OCIAD1: variants seen among roughly 807,000 people sequenced by gnomAD.
OCIAD1 encodes OCIA domain containing 1, also known as OCIA domain-containing protein 1.
In OCIAD1, 29 loss-of-function variants were observed where a neutral mutation model predicts 38.9. The ratio of observed to expected loss-of-function variants is 0.74; its 90% confidence interval spans 0.55 to 1.02. OCIAD1 has a LOEUF of 1.02. OCIAD1 is among the 50% of genes least tolerant of loss of function. OCIAD1 has a pLI of 0.00. For synonymous variants in OCIAD1, 110 were observed against 92.0 expected (o/e 1.20, Z -1.12); for missense variants, 288 against 289.6 (o/e 0.99, Z 0.04).
At position 48,850,165 on chromosome 4, in the gene OCIAD1, A is replaced by G. The variant is rs1053218247; in HGVS notation, c.377+83A>G. On this transcript the variant is annotated intron_variant, in intron 6 of 8. Transcript: ENST00000264312. ...TTGCTATAACTCATGGCTCAAAAAC[A>G]TTGCCTGAAGGACCACTGGATACTT... 5.5e-6 allele frequency: 8 copies of G among 1,448,366 alleles called. No homozygotes were observed. In the Admixed American group the frequency reaches 1.7e-4, roughly 31 times the overall value. The allele number at this position is 1,448,366 out of a possible 1,614,324, so 89.7% of individuals were successfully genotyped here.
chr4:48,847,051 A>G (rs1327813233), intron 4 of OCIAD1, among the ~76,000 whole-genome samples: 1 of 152,228 alleles, frequency 6.6e-6, no homozygotes, highest in Admixed American at 6.5e-5. Flanking sequence ...TTTAGTAGAT[A>G]TTACCAAACT....
intron 6 of OCIAD1, among the ~76,000 whole-genome samples, chr4:48,850,635 G>A (rs1779356143): frequency 6.6e-6 from 1 of 152,084 alleles, no homozygotes; most frequent in Non-Finnish European, 1.5e-5. Flanking sequence ...GTACAGTGGC[G>A]TGATCTCGGC....
chr4:48,823,600 G>T (rs1464525696), intron 1 of OCIAD1, among the ~76,000 whole-genome samples: 1 of 151,096 alleles, frequency 6.6e-6, no homozygotes, highest in Admixed American at 6.6e-5. Context: ...AAAAAAATTT[G>T]AAATGGCTAT....
intron 3 of OCIAD1, among the ~76,000 whole-genome samples, chr4:48,834,213 C>T (rs1777776907): frequency 6.6e-6 from 1 of 152,008 alleles, no homozygotes; most frequent in African/African-American, 2.4e-5. Context: ...CTCTTGTTGC[C>T]CAGGCTGGAG....
upstream of OCIAD1, among the ~76,000 whole-genome samples, chr4:48,828,067 C>T (rs940488684): frequency 6.6e-6 from 1 of 152,148 alleles, no homozygotes; most frequent in African/African-American, 2.4e-5. Flanking sequence ...ATGCACCAAT[C>T]AGTGCTCTGT....
At chr4:48,819,596 A>C (rs1777171243) in intron 1 of OCIAD1, among the ~76,000 whole-genome samples, 1 of 152,054 alleles carries the variant, frequency 6.6e-6, no homozygotes. Flanking sequence ...TAAAAGACAC[A>C]GACTGGCAAA....
At chr4:48,859,682 CTT>C (rs1376807049) in intron 8 of OCIAD1, among the ~76,000 whole-genome samples, 1 of 152,002 alleles carries the variant, frequency 6.6e-6, no homozygotes, top group Non-Finnish European at 1.5e-5. Flanking sequence ...AAAGAAAAGA[CTT>C]GTTATGAAAT....
chr4:48,834,163 T>G (rs554434972), intron 3 of OCIAD1, among the ~76,000 whole-genome samples: 1 of 152,246 alleles, frequency 6.6e-6, no homozygotes, highest in Admixed American at 6.5e-5. Flanking sequence ...GGATGAATTT[T>G]TTTTTGTTTT....
At position 48,861,293 on chromosome 4, in the gene OCIAD1, T is replaced by C. The variant is rs1780579407; in HGVS notation, c.*531T>C. The C allele has an allele frequency of 6.6e-6, 1 of 152,520 alleles. No individual in the cohort carries two copies. Among genetic ancestry groups the C allele is most frequent in the South Asian group, 2.1e-4 (1 of 4,840 alleles). 9.4% of individuals were successfully genotyped at this position (152,520 alleles called of 1,614,324 possible). ...TTTTATGGTTTTATTGTTTGTAATTTATTGATTTATTTTTAAGCTAGTTAT... is the reference window on the plus strand; with the variant it reads ...TTTTATGGTTTTATTGTTTGTAATTCATTGATTTATTTTTAAGCTAGTTAT... On this transcript the variant is annotated 3_prime_UTR_variant, in exon 9 of 9. Coordinates refer to ENST00000264312, the MANE Select transcript of OCIAD1 (RefSeq NM_017830.4).
chr4:48,834,757 G>T (rs1169015189), intron 3 of OCIAD1, among the ~76,000 whole-genome samples: 1 of 152,088 alleles, frequency 6.6e-6, no homozygotes, highest in Non-Finnish European at 1.5e-5. Context: ...TCCAGCCTGG[G>T]TGACAGAGCC....
chr4:48,808,925 A>G (rs1437451208), intron 1 of OCIAD1, among the ~76,000 whole-genome samples: 1 of 152,162 alleles, frequency 6.6e-6, no homozygotes, highest in Non-Finnish European at 1.5e-5. Flanking sequence ...CCTGAGAGTC[A>G]TTCTTGTCCT....
chr4:48,814,814 C>T (rs945979527), intron 1 of OCIAD1, among the ~76,000 whole-genome samples: 4 of 152,104 alleles, frequency 2.6e-5, no homozygotes, highest in African/African-American at 9.7e-5. Context: ...TACTTTATAA[C>T]TTTATATGAT....
rs562815104 is a variant in OCIAD1, at chr4:48,851,677, A to G, written c.378-129A>G. The G allele has an allele frequency of 2.4e-3, 1,145 of 473,196 alleles. 3 individuals are homozygous for G. The highest frequency in any genetic ancestry group is 7.9e-3 in the Middle Eastern group (14 of 1,764). 29.3% of individuals were successfully genotyped at this position (473,196 alleles called of 1,614,324 possible). ...GGTGACAGAGCAAGACCCTGTCTCA[A>G]AAAAATAAAAAAAATTATATGTATA... On this transcript the variant is annotated intron_variant, in intron 6 of 8. Transcript: ENST00000264312.
At chr4:48,810,137 CA>C (rs890846773) in intron 1 of OCIAD1, among the ~76,000 whole-genome samples, 2 of 151,822 alleles carry the variant, frequency 1.3e-5, no homozygotes, top group Non-Finnish European at 1.5e-5. Context: ...TTATCTCTGC[CA>C]AAAAAATCTA....
At chr4:48,812,419 C>G (rs1435427283) in intron 1 of OCIAD1, among the ~76,000 whole-genome samples, 4 of 149,654 alleles carry the variant, frequency 2.7e-5, no homozygotes, top group African/African-American at 7.4e-5. Context: ...CAAGGCCTGT[C>G]TGAGTCAAAG....
chr4:48,846,724 G>C (rs1480177831), intron 4 of OCIAD1, among the ~76,000 whole-genome samples: 1 of 151,592 alleles, frequency 6.6e-6, no homozygotes, highest in Non-Finnish European at 1.5e-5. Context: ...CTCCAGCCTG[G>C]GGACAGAGCG....
At chr4:48,822,730 G>T (rs1181237956) in intron 1 of OCIAD1, among the ~76,000 whole-genome samples, 1 of 152,086 alleles carries the variant, frequency 6.6e-6, no homozygotes, top group South Asian at 2.1e-4. Context: ...GTGGGCAAAG[G>T]ATACGAACAG....
chr4:48,847,914 C>T (rs1469011196), intron 4 of OCIAD1, among the ~76,000 whole-genome samples: 2 of 152,194 alleles, frequency 1.3e-5, no homozygotes, highest in East Asian at 1.9e-4. Flanking sequence ...ATTGGGATTG[C>T]ATTGTATTTA....
chr4:48,857,397 T>G, intron 8 of OCIAD1, 32 bp downstream of exon 8: 1 of 1,425,470 alleles, frequency 7.0e-7, no homozygotes, highest in Non-Finnish European at 9.3e-7. Context: ...CACTTTACTG[T>G]TGAGGATTGG....
Sources: allele counts gnomAD v4.1 joint callset (sites outside exome capture counted in the v4.1 genomes callset), GRCh38; gene constraint gnomAD v4.1.1; transcripts MANE v1.5; gene names NCBI Gene and HGNC (gene_info 2026-07-23, HGNC 2026-07-21).